The following SOX5 variants were observed in gnomAD, a reference collection of about 807,000 sequenced individuals.
The protein encoded by SOX5 is SRY-box transcription factor 5.
In SOX5, 9 loss-of-function variants were observed where a neutral mutation model predicts 92.0. The observed-to-expected ratio is 0.10, with a 90% CI of 0.06 to 0.17. SOX5 has a LOEUF of 0.17. SOX5 is among the 10% of genes least tolerant of loss of function. The pLI is 1.00. For synonymous variants in SOX5, 344 were observed against 336.3 expected (o/e 1.02, Z -0.25); for missense variants, 642 against 944.5 (o/e 0.68, Z 4.20).
At chr12:23,557,580 G>A (rs774096783) in intron 11 of SOX5, among the ~76,000 whole-genome samples, 8 of 152,174 alleles carry the variant, frequency 5.3e-5, no homozygotes, top group Non-Finnish European at 7.3e-5. Flanking sequence ...CGGTGTGTAT[G>A]TGAATATACG....
At chr12:24,117,962 T>C (rs1013383375) in intron 4 of SOX5, among the ~76,000 whole-genome samples, 9 of 132,112 alleles carry the variant, frequency 6.8e-5, no homozygotes, top group African/African-American at 2.7e-4. Flanking sequence ...GAGGTTGCAG[T>C]AAGCCCAGAT....
At chr12:24,152,292 A>G (rs1283531200) in intron 4 of SOX5, among the ~76,000 whole-genome samples, 1 of 152,160 alleles carries the variant, frequency 6.6e-6, no homozygotes, top group Non-Finnish European at 1.5e-5. Context: ...TTAAAGAGGT[A>G]TTTTGTCTGT....
intron 4 of SOX5, among the ~76,000 whole-genome samples, chr12:24,008,629 G>A (rs1952584775): frequency 6.6e-6 from 1 of 151,970 alleles, no homozygotes; most frequent in South Asian, 2.1e-4. Flanking sequence ...AAGAAATTAT[G>A]GACTCTTTTG....
chr12:23,724,743 A>ATTATAT (rs2093022791), intron 6 of SOX5, among the ~76,000 whole-genome samples: 12 of 152,288 alleles, frequency 7.9e-5, no homozygotes, highest in African/African-American at 2.6e-4. Flanking sequence ...AATGAAGTAA[A>ATTATAT]GGTCTAAATT....
At chr12:23,586,928 A>T (rs538030943) in intron 9 of SOX5, among the ~76,000 whole-genome samples, 1 of 149,838 alleles carries the variant, frequency 6.7e-6, no homozygotes, top group East Asian at 1.9e-4. Context: ...TATATATTAT[A>T]TATTTTTTAT....
At chr12:24,223,031 A>C (rs576471054) in intron 3 of SOX5, among the ~76,000 whole-genome samples, 7 of 152,274 alleles carry the variant, frequency 4.6e-5, no homozygotes, top group Non-Finnish European at 1.0e-4. Flanking sequence ...AATACATGTG[A>C]CCTTTTCTCT....
chr12:24,300,293 T>C (rs956813684), intron 2 of SOX5, among the ~76,000 whole-genome samples: 1 of 152,214 alleles, frequency 6.6e-6, no homozygotes, highest in Non-Finnish European at 1.5e-5. Context: ...TAAAGTATAC[T>C]GGAATTCAGC....
chr12:23,911,585 GT>G (rs201151563), intron 1 of SOX5, among the ~76,000 whole-genome samples: 1 of 151,980 alleles, frequency 6.6e-6, no homozygotes, highest in Non-Finnish European at 1.5e-5. Flanking sequence ...CTCTGGAAAT[GT>G]TTTTTTAAAT....
intron 4 of SOX5, among the ~76,000 whole-genome samples, chr12:23,967,020 CAT>C (rs1947663654): frequency 6.6e-6 from 1 of 152,058 alleles, no homozygotes; most frequent in African/African-American, 2.4e-5. Context: ...CTGTTTAACC[CAT>C]AGTCAATTAT....
chr12:24,155,412 T>G (rs931422414), intron 4 of SOX5, among the ~76,000 whole-genome samples: 7 of 152,152 alleles, frequency 4.6e-5, no homozygotes, highest in African/African-American at 7.2e-5. Flanking sequence ...AACTTCTTAT[T>G]TTTTTGACAT....
intron 1 of SOX5, among the ~76,000 whole-genome samples, chr12:23,909,423 ACAAT>A (rs912073184): frequency 1.2e-4 from 19 of 152,326 alleles, no homozygotes; most frequent in South Asian, 6.2e-4. Flanking sequence ...ACTGATTAGC[ACAAT>A]CAATTTACCC....
At chr12:24,255,129 A>G (rs1019046002) in intron 3 of SOX5, among the ~76,000 whole-genome samples, 1 of 152,134 alleles carries the variant, frequency 6.6e-6, no homozygotes, top group Admixed American at 6.5e-5. Context: ...TTTCACTAGC[A>G]TCTTCCCCAG....
intron 4 of SOX5, among the ~76,000 whole-genome samples, chr12:24,015,911 C>T (rs563889471): frequency 8.6e-6 from 1 of 116,668 alleles, no homozygotes; most frequent in South Asian, 3.1e-4. Flanking sequence ...GACTACTATT[C>T]AATGGGGGCA....
intron 4 of SOX5, among the ~76,000 whole-genome samples, chr12:24,164,600 C>G (rs79709905): frequency 6.6e-6 from 1 of 152,040 alleles, no homozygotes; most frequent in Non-Finnish European, 1.5e-5. Flanking sequence ...TTAATTTATA[C>G]CAAATCACTA....
chr12:24,332,838 G>C (rs550183467), intron 2 of SOX5, among the ~76,000 whole-genome samples: 1 of 151,962 alleles, frequency 6.6e-6, no homozygotes. Context: ...CCCACCTATA[G>C]ACAAATCATG....
intron 6 of SOX5, among the ~76,000 whole-genome samples, chr12:23,685,639 A>C (rs1427506302): frequency 1.5e-5 from 2 of 136,356 alleles, no homozygotes; most frequent in Non-Finnish European, 3.2e-5. Context: ...CCCCCCCCCC[A>C]AAAATCTAAT....
At chr12:23,643,446 T>G (rs577999673) in intron 7 of SOX5, among the ~76,000 whole-genome samples, 1 of 152,202 alleles carries the variant, frequency 6.6e-6, no homozygotes, top group Non-Finnish European at 1.5e-5. Context: ...TTGATAAACA[T>G]GTTAAAATTT....
intron 4 of SOX5, among the ~76,000 whole-genome samples, chr12:24,164,177 C>T (rs1012252121): frequency 6.6e-6 from 1 of 151,886 alleles, no homozygotes; most frequent in East Asian, 1.9e-4. Flanking sequence ...ACAATAATAC[C>T]GTTTTCTATG....
At chr12:24,134,327 C>T (rs1430585934) in intron 4 of SOX5, among the ~76,000 whole-genome samples, 2 of 152,144 alleles carry the variant, frequency 1.3e-5, no homozygotes, top group African/African-American at 4.8e-5. Context: ...CAACAGAGAA[C>T]ACTGTGTGTG....
Sources: allele counts gnomAD v4.1 joint callset (sites outside exome capture counted in the v4.1 genomes callset), GRCh38; gene constraint gnomAD v4.1.1; transcripts MANE v1.5; gene names NCBI Gene and HGNC (gene_info 2026-07-23, HGNC 2026-07-21).